Variants in CRAMP1 observed in about 807,000 individuals in gnomAD.
CRAMP1 encodes the protein cramped chromatin regulator 1.
A neutral mutation model predicts 115.4 loss-of-function variants in CRAMP1; 50 were observed. The ratio of observed to expected loss-of-function variants is 0.43; its 90% CI spans 0.35 to 0.55. The LOEUF is 0.55. Among genes scored for constraint, CRAMP1 ranks in the 20% least tolerant of loss-of-function variants. The pLI, the probability that CRAMP1 is intolerant of heterozygous loss-of-function variation, is 0.01. For synonymous variants in CRAMP1, 866 were observed against 745.4 expected, an observed-to-expected ratio of 1.16 and a Z score of -2.64; for missense variants, 1,679 against 1,721.7, an observed-to-expected ratio of 0.98 and a Z score of 0.44.
At chr16:1,640,135 C>T (rs1261036271) in intron 5 of CRAMP1, among the ~76,000 whole-genome samples, 1 of 152,236 alleles carries the variant, frequency 6.6e-6, no homozygotes, top group Non-Finnish European at 1.5e-5. Flanking sequence ...CCGTTTCCAT[C>T]TGGCTTTGTT....
rs1205349503 is a variant in CRAMP1, at chr16:1,614,303, C to A, written c.-1-336C>A. 7.6e-6 allele frequency among the ~76,000 whole-genome samples: 1 copy of A among 131,678 alleles called. No individual in the cohort carries two copies. The highest frequency in any genetic ancestry group is 2.8e-5 in the African/African-American group (1 of 35,552). The allele number at this position is 131,678 out of a possible 152,430, so 86.4% of individuals were successfully genotyped here. A position where few individuals can be genotyped will look rare whatever the true frequency, so the allele number is the denominator to read the frequency against. On this transcript the variant is annotated intron_variant, in intron 1 of 20. Transcript: ENST00000397412. The surrounding 1 kb of genome is among the most constrained non-coding windows in gnomAD (Gnocchi z 4.4). ...CAGACCCGCGCCCGCGCCGGGGCTCCCATAGACCCCGGGGCCGGGGCCGGG... is the reference window on the plus strand; with the variant it reads ...CAGACCCGCGCCCGCGCCGGGGCTCACATAGACCCCGGGGCCGGGGCCGGG...
At chr16:1,645,972 T>A (rs1272144367) in intron 6 of CRAMP1, among the ~76,000 whole-genome samples, 2 of 151,870 alleles carry the variant, frequency 1.3e-5, no homozygotes, top group Non-Finnish European at 2.9e-5. Context: ...TTTGCGCCAC[T>A]CTCCGTTCCC....
At chr16:1,655,127 G>A (rs1304396166) in intron 8 of CRAMP1, 92 bp from the exon 9 acceptor site, 2 of 1,134,688 alleles carry the variant, frequency 1.8e-6, no homozygotes, top group Non-Finnish European at 2.7e-6. Flanking sequence ...GTCTCTTTTG[G>A]CACCCTCCTG....
At chr16:1,654,617 G>A (rs1377948141) in intron 8 of CRAMP1, among the ~76,000 whole-genome samples, 2 of 152,168 alleles carry the variant, frequency 1.3e-5, no homozygotes, top group East Asian at 3.9e-4. Flanking sequence ...GACGCTAGAA[G>A]AGGCCCTGTG....
At chr16:1,638,105 CTT>C (rs2036602963) in intron 5 of CRAMP1, among the ~76,000 whole-genome samples, 198 bp downstream of exon 5, 1 of 152,222 alleles carries the variant, frequency 6.6e-6, no homozygotes, top group African/African-American at 2.4e-5. Context: ...CATTTGCTCT[CTT>C]TCTCCATGCA....
chr16:1,619,126 A>G (rs2036445104), intron 2 of CRAMP1, among the ~76,000 whole-genome samples: 1 of 152,224 alleles, frequency 6.6e-6, no homozygotes, highest in Non-Finnish European at 1.5e-5. Flanking sequence ...CGTTGTATAA[A>G]GTGGTGTGTA....
rs751887008 is a variant in CRAMP1 at position 1,656,255 on chromosome 16, G to T, written c.1498G>T (p.Ala500Ser). ...CGAAAGCGCCCCCGGGGAGGGGGCT[G>T]CCCTAAGCTTGAGCAGCCCGGACGC... The part of the protein sequence containing the change: ...SPESAPGEGA[A>S]LSLSSPDAPD... The change falls in exon 10 of 21, where the codon GCC becomes TCC. Residue 500 changes from alanine (A) to serine (S), a missense_variant. This residue lies in a region of CRAMP1 where 405 missense variants were observed against 302.6 expected (regional missense o/e 1.34). Coordinates refer to ENST00000397412, the MANE Select transcript of CRAMP1 (RefSeq NM_020825.4). The surrounding 1 kb of genome is among the most constrained non-coding windows in gnomAD (Gnocchi z 5.6). 1 of 1,610,914 alleles carries T rather than the reference G, an allele frequency of 6.2e-7. No homozygotes were observed. Among genetic ancestry groups the T allele is most frequent in the Non-Finnish European group, 8.5e-7 (1 of 1,179,670 alleles).
At chr16:1,631,500 G>C (rs925245672) in intron 3 of CRAMP1, among the ~76,000 whole-genome samples, 1 of 152,238 alleles carries the variant, frequency 6.6e-6, no homozygotes, top group African/African-American at 2.4e-5. Context: ...TAGAAACCAA[G>C]ACCTGGGCGC....
chr16:1,656,949 G>A lies in CRAMP1; in HGVS notation c.2192G>A (p.Ser731Asn), dbSNP rs970311309. The change falls in exon 10 of 21, where the codon AGC (serine) becomes AAC (asparagine). Residue 731 changes from serine to asparagine, a missense_variant. By Grantham distance (46) the Ser-to-Asn change is conservative (BLOSUM62 1). Coordinates refer to ENST00000397412, the MANE Select transcript of CRAMP1 (RefSeq NM_020825.4). The surrounding 1 kb of genome is among the most constrained non-coding windows in gnomAD (Gnocchi z 5.6). ...GCCCTCCACAAGCAGCGCCTCCTCA[G>A]CTGCCTCCTGAAGCTCATTTCCACC... is the stretch of plus-strand genomic sequence containing the variant. ...PTALHKQRLL[S>N]CLLKLISTEV... 7.7e-6 allele frequency: 12 copies of A among 1,558,944 alleles called. No individual in the cohort carries two copies. The Admixed American group carries it at 1.9e-4, about 24-fold the overall frequency.
rs1377319097 is a variant in CRAMP1 at position 1,614,282 on chromosome 16, C to A, written c.-1-357C>A. Reference sequence around the variant, plus strand: ...GCCCGGACCCGCAACCGTGCCCAGACCCGCGCCCGCGCCGGGGCTCCCATA... The same window carrying A: ...GCCCGGACCCGCAACCGTGCCCAGAACCGCGCCCGCGCCGGGGCTCCCATA... On this transcript the variant is annotated intron_variant, in intron 1 of 20. Coordinates refer to ENST00000397412, the MANE Select transcript of CRAMP1 (RefSeq NM_020825.4). The surrounding 1 kb of genome is among the most constrained non-coding windows in gnomAD (Gnocchi z 4.4). Among the ~76,000 whole-genome samples, 2 of 145,922 alleles carry A rather than the reference C, an allele frequency of 1.4e-5. No homozygotes were observed. Among genetic ancestry groups the A allele is most frequent in the African/African-American group, 4.9e-5 (2 of 40,724 alleles).
chr16:1,617,824 AT>A (rs1428911597), intron 2 of CRAMP1, among the ~76,000 whole-genome samples: 3 of 152,214 alleles, frequency 2.0e-5, no homozygotes, highest in Non-Finnish European at 2.9e-5. Context: ...TCAAATTTAA[AT>A]CTTCTTGCAT....
rs11862901 is a variant in CRAMP1, at chr16:1,672,566, A to G, written c.3646-1315A>G. On this transcript the variant is annotated intron_variant, in intron 20 of 20. Transcript: ENST00000397412. This position sits in a 1 kb window ranked among gnomAD's most constrained non-coding sequence, Gnocchi z 4.9. Reference sequence around the variant, plus strand: ...ACTCTTTGCTCTGCTTTTGAAAACAAATTTTAATTTGTCTGACATTTCCCA... The same window carrying G: ...ACTCTTTGCTCTGCTTTTGAAAACAGATTTTAATTTGTCTGACATTTCCCA... Among the ~76,000 whole-genome samples the G allele has an allele frequency of 7.5e-3, 1,148 of 152,258 alleles. 12 individuals carry two copies. Among genetic ancestry groups the G allele is most frequent in the African/African-American group, 0.026 (1,093 of 41,534 alleles).
chr16:1,639,348 C>T (rs145229820), intron 5 of CRAMP1, among the ~76,000 whole-genome samples: 3 of 151,484 alleles, frequency 2.0e-5, no homozygotes, highest in South Asian at 2.1e-4. Flanking sequence ...GGAGTGGGCC[C>T]GGACGTAGGG....
At chr16:1,649,500 T>G (rs938092499) in intron 6 of CRAMP1, among the ~76,000 whole-genome samples, 3 of 152,060 alleles carry the variant, frequency 2.0e-5, no homozygotes, top group African/African-American at 7.2e-5. Flanking sequence ...TATTTTTTTA[T>G]TTTTTTTGAG....
At chr16:1,641,451 C>T (rs759998298) in intron 6 of CRAMP1, among the ~76,000 whole-genome samples, 43 of 152,314 alleles carry the variant, frequency 2.8e-4, no homozygotes, top group South Asian at 1.2e-3. Flanking sequence ...GTTGTGGTCT[C>T]GACGCAGCAC....
At chr16:1,662,077 G>A (rs1274784943) in intron 11 of CRAMP1, among the ~76,000 whole-genome samples, 1 of 152,220 alleles carries the variant, frequency 6.6e-6, no homozygotes, top group Non-Finnish European at 1.5e-5. Flanking sequence ...ATTGTGCACG[G>A]CTGAGTTGCC....
At chr16:1,660,604 G>A (rs761136881) in intron 11 of CRAMP1, among the ~76,000 whole-genome samples, 10 of 152,330 alleles carry the variant, frequency 6.6e-5, no homozygotes, top group Non-Finnish European at 1.5e-4. Flanking sequence ...CCCAAGACAA[G>A]CATGAACAGT....
intron 19 of CRAMP1, among the ~76,000 whole-genome samples, chr16:1,670,273 A>G (rs992047929): frequency 2.0e-5 from 3 of 151,766 alleles, no homozygotes; most frequent in South Asian, 2.1e-4. Flanking sequence ...AAAAAAAATT[A>G]AAAGCAAAGT....
At chr16:1,620,002 C>G (rs2036452779) in intron 2 of CRAMP1, among the ~76,000 whole-genome samples, 2 of 152,142 alleles carry the variant, frequency 1.3e-5, no homozygotes, top group Non-Finnish European at 2.9e-5. Flanking sequence ...GGAGCGACAC[C>G]ACTGCGTGTG....
Sources: gnomAD v4.1 joint callset for allele counts (sites outside exome capture counted in the v4.1 genomes callset) on GRCh38, gnomAD v4.1.1 for gene constraint, gnomAD v4.1.1 regional missense constraint, Gnocchi (gnomAD v3.1) non-coding constraint, MANE v1.5 for transcripts, NCBI Gene and HGNC (gene_info 2026-07-23, HGNC 2026-07-21) for gene names.